The following SLC39A14 variants were observed in gnomAD, a reference collection of about 807,000 sequenced individuals.
SLC39A14 encodes metal cation symporter ZIP14.
A neutral mutation model predicts 45.5 loss-of-function variants in SLC39A14; 19 were observed. The ratio of observed to expected loss-of-function variants is 0.42; its 90% CI spans 0.29 to 0.61. The LOEUF (loss-of-function observed/expected upper bound fraction) is 0.61, where lower values mean the gene tolerates loss of function less well. SLC39A14 is among the 20% of genes least tolerant of loss of function. The probability of loss-of-function intolerance (pLI) is 0.22; values close to 1 mark genes in which losing one functional copy is unlikely to be tolerated. For missense variants in SLC39A14, 447 were observed against 616.5 expected, an observed-to-expected ratio of 0.73 and a Z score of 2.91; for synonymous variants, 264 against 251.3, an observed-to-expected ratio of 1.05 and a Z score of -0.48.
downstream of SLC39A14, among the ~76,000 whole-genome samples, chr8:22,424,967 T>A (rs1291532663): frequency 1.4e-5 from 2 of 141,114 alleles, no homozygotes; most frequent in African/African-American, 5.2e-5. Flanking sequence ...AGGCAGAGGT[T>A]GCAGTGAGCC....
rs2132387692 is a variant in SLC39A14, at chr8:22,421,531, C to T, written c.*1833C>T. On this transcript the variant is annotated 3_prime_UTR_variant, in exon 9 of 9. Coordinates refer to ENST00000381237, the MANE Select transcript of SLC39A14 (RefSeq NM_001128431.4). Reference sequence around the variant, plus strand: ...GTCCAGTTTTACCAAAGAACCAATTCCTTGAATGTTGGAATCTAACTTTTT... The same window carrying T: ...GTCCAGTTTTACCAAAGAACCAATTTCTTGAATGTTGGAATCTAACTTTTT... The T allele has an allele frequency of 1.0e-6, 1 of 985,440 alleles. No homozygotes were observed. Among genetic ancestry groups the T allele is most frequent in the Non-Finnish European group, 1.2e-6 (1 of 829,656 alleles). 61.0% of individuals were successfully genotyped at this position (985,440 alleles called of 1,614,324 possible). A position where few individuals can be genotyped will look rare whatever the true frequency, so the allele number is the denominator to read the frequency against.
intron 7 of SLC39A14, 141 bp from the exon 8 acceptor site, chr8:22,417,510 G>T (rs565403590): frequency 5.7e-6 from 4 of 696,588 alleles, no homozygotes; most frequent in African/African-American, 1.8e-5. Flanking sequence ...TCACTTTGTC[G>T]CCAGGCTGGA....
At chr8:22,419,034 A>AT (rs1243589266) in intron 8 of SLC39A14, among the ~76,000 whole-genome samples, 1 of 151,912 alleles carries the variant, frequency 6.6e-6, no homozygotes, top group African/African-American at 2.4e-5. Context: ...AAGGAAAAAA[A>AT]AAAGTCTATA....
At chr8:22,431,135 G>A (rs185179235) in intron 8 of SLC39A14, among the ~76,000 whole-genome samples, 29 of 151,826 alleles carry the variant, frequency 1.9e-4, no homozygotes, top group African/African-American at 5.3e-4. Context: ...CTACAGGCAC[G>A]TGCCACCACA....
downstream of SLC39A14, among the ~76,000 whole-genome samples, chr8:22,423,786 T>TTCTCTCTCTCTCTCTC (rs58420252): frequency 2.2e-3 from 273 of 122,248 alleles, 9 homozygotes; most frequent in Middle Eastern, 4.7e-3. Context: ...TTTAATTGGT[T>TTCTCTCTCTCTCTCTC]TCTCTCTCTC....
In SLC39A14 at chr8:22,422,119, T is replaced by C. The variant is rs973022309; in HGVS notation, c.*2421T>C. 1.2e-5 allele frequency: 12 copies of C among 985,360 alleles called. No homozygotes were observed. In the African/African-American group the frequency reaches 2.1e-4, roughly 17 times the overall value. The allele number at this position is 985,360 out of a possible 1,614,324, so 61.0% of individuals were successfully genotyped here. ...TGCTGTTTCAAGCATTTGTACATAT[T>C]AGAAGTCTAAGGAGTAGCAAGTCAG... On this transcript the variant is annotated 3_prime_UTR_variant, in exon 9 of 9. Transcript: ENST00000381237.
chr8:22,405,113 G>C (rs759943903), intron 2 of SLC39A14, 133 bp downstream of exon 2: 4 of 756,678 alleles, frequency 5.3e-6, no homozygotes, highest in Non-Finnish European at 8.5e-6. Context: ...CTCGATGATA[G>C]AGTGGACAGG....
At chr8:22,378,554 G>T (rs553805414) in intron 1 of SLC39A14, among the ~76,000 whole-genome samples, 11 of 152,238 alleles carry the variant, frequency 7.2e-5, no homozygotes, top group African/African-American at 2.4e-4. Flanking sequence ...TTTCCATGTG[G>T]TCTCCTCCAT....
intron 1 of SLC39A14, among the ~76,000 whole-genome samples, chr8:22,395,120 C>T (rs553963752): frequency 6.6e-6 from 1 of 152,088 alleles, no homozygotes; most frequent in African/African-American, 2.4e-5. Flanking sequence ...AGCAATTCCC[C>T]TGCCCCAGCC....
rs1004637086 is a variant in SLC39A14 at position 22,419,846 on chromosome 8, G to C, written c.*148G>C. 7.3e-7 allele frequency: 1 copy of C among 1,367,332 alleles called. No homozygotes were observed. The highest frequency in any genetic ancestry group is 9.4e-7 in the Non-Finnish European group (1 of 1,063,026). 84.7% of individuals were successfully genotyped at this position (1,367,332 alleles called of 1,614,324 possible). ...GTATTCCTGCATTCAAATGTCAGCC[G>C]TTTGTAAAATGCTGTATCCTAGGAA... On this transcript the variant is annotated 3_prime_UTR_variant, in exon 9 of 9. Transcript: ENST00000381237.
At chr8:22,376,891 T>C (rs1833249090) in intron 1 of SLC39A14, among the ~76,000 whole-genome samples, 1 of 151,818 alleles carries the variant, frequency 6.6e-6, no homozygotes, top group Non-Finnish European at 1.5e-5. Flanking sequence ...AAAAAAAAAA[T>C]ACTGAATGGA....
At chr8:22,414,969 T>C (rs1197211443) in intron 5 of SLC39A14, 67 bp downstream of exon 5, 1 of 1,561,502 alleles carries the variant, frequency 6.4e-7, no homozygotes, top group Non-Finnish European at 8.7e-7. Context: ...AATGTTGATG[T>C]ATTGTGGTGG....
rs531702302 is a variant in SLC39A14, at chr8:22,383,341, G to A, written c.-16+15933G>A. On this transcript the variant is annotated intron_variant, in intron 1 of 8. Transcript: ENST00000381237. ...AGAGGAGGAGGCAGCCAGCTCACCA[G>A]AAGCACCTCATCCACCCGCACAGGG... is the stretch of plus-strand genomic sequence containing the variant. Among the ~76,000 whole-genome samples the A allele has an allele frequency of 2.0e-5, 3 of 152,266 alleles. No individual in the cohort carries two copies. The East Asian group carries it at 5.8e-4, about 29-fold the overall frequency.
intron 1 of SLC39A14, 127 bp from the exon 2 acceptor site, chr8:22,404,569 C>G (rs1835090612): frequency 2.5e-6 from 2 of 811,760 alleles, no homozygotes; most frequent in Non-Finnish European, 3.8e-6. Context: ...AAGGCTAATT[C>G]AAGAAGGAGC....
chr8:22,418,209 T>A (rs1836005789), intron 8 of SLC39A14, among the ~76,000 whole-genome samples: 1 of 152,190 alleles, frequency 6.6e-6, no homozygotes, highest in African/African-American at 2.4e-5. Context: ...GGCTGGTAGT[T>A]TGTTTTTAAT....
chr8:22,394,988 A>G (rs1238003089), intron 1 of SLC39A14, among the ~76,000 whole-genome samples: 2 of 150,918 alleles, frequency 1.3e-5, no homozygotes, highest in East Asian at 3.9e-4. Context: ...AAGAAGTTTT[A>G]GTATGTTTCT....
intron 6 of SLC39A14, 44 bp downstream of exon 6, chr8:22,416,001 A>G (rs1326118113): frequency 6.9e-6 from 11 of 1,603,814 alleles, no homozygotes; most frequent in Non-Finnish European, 9.4e-6. Context: ...TAAGAGGTTG[A>G]CTCAGGCTTA....
At chr8:22,374,515 G>A (rs1190884219) in intron 1 of SLC39A14, among the ~76,000 whole-genome samples, 1 of 152,150 alleles carries the variant, frequency 6.6e-6, no homozygotes, top group Admixed American at 6.5e-5. Flanking sequence ...GAGAGAGCAG[G>A]GTCCTGGTAA....
intron 1 of SLC39A14, among the ~76,000 whole-genome samples, chr8:22,368,598 G>C (rs1337685127): frequency 6.6e-6 from 1 of 151,858 alleles, no homozygotes; most frequent in Non-Finnish European, 1.5e-5. Flanking sequence ...GTGCAGTGGC[G>C]CGATCTCGGC....
Sources: allele counts gnomAD v4.1 joint callset (sites outside exome capture counted in the v4.1 genomes callset), GRCh38; gene constraint gnomAD v4.1.1; transcripts MANE v1.5; gene names NCBI Gene and HGNC (gene_info 2026-07-23, HGNC 2026-07-21).